Variants in UBN2 observed in about 807,000 individuals in gnomAD.
UBN2 encodes ubinuclein 2.
Under a neutral mutation model 120.2 loss-of-function variants are expected in UBN2, and 35 were observed. The observed-to-expected ratio is 0.29, with a 90% CI of 0.22 to 0.39. The LOEUF is 0.39. UBN2 is among the 10% of genes least tolerant of loss of function. The pLI, the probability that UBN2 is intolerant of heterozygous loss-of-function variation, is 1.00. For missense variants in UBN2, 1,693 were observed against 1,663.2 expected (o/e 1.02, Z -0.31); for synonymous variants, 661 against 648.7 (o/e 1.02, Z -0.29).
intron 6 of UBN2, among the ~76,000 whole-genome samples, chr7:139,264,458 T>G (rs1022565598): frequency 3.3e-5 from 5 of 152,242 alleles, no homozygotes; most frequent in Non-Finnish European, 7.3e-5. Flanking sequence ...AGAGTCTGTC[T>G]TCTTGGATTC....
chr7:139,328,259 A>G, the UBN2 span, among the ~76,000 whole-genome samples: 86 of 152,342 alleles, frequency 5.6e-4, no homozygotes, highest in African/African-American at 2.0e-3. Context: ...GAAGCAAGGC[A>G]TATCTTACAT....
chr7:139,287,750 G>T lies in UBN2; in HGVS notation c.3669+3176G>T, dbSNP rs62485948. Among the ~76,000 whole-genome samples, 652 of 150,316 alleles carry T rather than the reference G, an allele frequency of 4.3e-3. 5 individuals are homozygous for T. Among genetic ancestry groups the T allele is most frequent in the Middle Eastern group, 6.8e-3 (2 of 292 alleles). Reference sequence around the variant, plus strand: ...AATAAGGTCATTTCTACCCTTTGGCGAAAGTAAGGTTCTTTTTGTTTTAAC... The same window carrying T: ...AATAAGGTCATTTCTACCCTTTGGCTAAAGTAAGGTTCTTTTTGTTTTAAC... On this transcript the variant is annotated intron_variant, in intron 15 of 17. Transcript: ENST00000473989.
Position 139,301,193 on chromosome 7 carries a change from A to G in UBN2, c.*3357A>G, listed in dbSNP as rs1227928372. The G allele has an allele frequency of 2.0e-5, 3 of 152,126 alleles. No homozygotes were observed. The highest frequency in any genetic ancestry group is 7.2e-5 in the African/African-American group (3 of 41,418). 9.4% of individuals were successfully genotyped at this position (152,126 alleles called of 1,614,324 possible). A position where few individuals can be genotyped will look rare whatever the true frequency, so the allele number is the denominator to read the frequency against. ...AGGTAAGGGGAAGAACCGGGCACAT[A>G]TGTGTTGGAATACTGTGGGTTTGAC... On this transcript the variant is annotated 3_prime_UTR_variant, in exon 18 of 18. Coordinates refer to ENST00000473989, the MANE Select transcript of UBN2 (RefSeq NM_173569.4).
chr7:139,265,301 A>T (rs1782403756), intron 6 of UBN2, among the ~76,000 whole-genome samples: 1 of 151,936 alleles, frequency 6.6e-6, no homozygotes, highest in Non-Finnish European at 1.5e-5. Context: ...ACACGATGAA[A>T]TCCCGTCTCT....
chr7:139,249,061 T>G (rs958091734), intron 2 of UBN2, among the ~76,000 whole-genome samples: 10 of 151,958 alleles, frequency 6.6e-5, no homozygotes, highest in African/African-American at 2.4e-4. Context: ...TTGTTTAAGG[T>G]TGCCAACTGG....
chr7:139,272,467 C>T (rs1055069528), intron 9 of UBN2, 27 bp downstream of exon 9: 1 of 1,562,616 alleles, frequency 6.4e-7, no homozygotes, highest in African/African-American at 1.4e-5. Context: ...TTTGGACTGG[C>T]TTTTGCATTT....
intron 2 of UBN2, among the ~76,000 whole-genome samples, chr7:139,238,043 A>T (rs1796213171): frequency 6.6e-6 from 1 of 152,206 alleles, no homozygotes; most frequent in African/African-American, 2.4e-5. Context: ...CAAATTTTCT[A>T]GTATTACTAA....
chr7:139,265,078 A>G (rs1288912177), intron 6 of UBN2, among the ~76,000 whole-genome samples: 2 of 152,208 alleles, frequency 1.3e-5, no homozygotes, highest in Non-Finnish European at 2.9e-5. Flanking sequence ...TTTTAACTGT[A>G]GCTACCCTAC....
At chr7:139,262,415 A>G (rs193169908) in intron 6 of UBN2, among the ~76,000 whole-genome samples, 3 of 152,228 alleles carry the variant, frequency 2.0e-5, no homozygotes, top group Non-Finnish European at 1.5e-5. Flanking sequence ...CTTTTCTCTT[A>G]AATAGAAATA....
intron 15 of UBN2, among the ~76,000 whole-genome samples, chr7:139,291,066 CAAATTT>C (rs1343488422): frequency 2.0e-5 from 3 of 152,060 alleles, no homozygotes; most frequent in Admixed American, 6.6e-5. Context: ...TTTTCCTGAT[CAAATTT>C]AGATTTAGAT....
intron 6 of UBN2, among the ~76,000 whole-genome samples, chr7:139,265,683 G>A (rs1161545926): frequency 6.6e-6 from 1 of 152,136 alleles, no homozygotes; most frequent in African/African-American, 2.4e-5. Context: ...GAGGGAGGCA[G>A]AAGGAGGTGT....
At chr7:139,269,748 T>C (rs1797207254) in intron 8 of UBN2, among the ~76,000 whole-genome samples, 1 of 152,232 alleles carries the variant, frequency 6.6e-6, no homozygotes, top group Non-Finnish European at 1.5e-5. Context: ...GATTGTTGGA[T>C]GTAAGTTAAT....
At chr7:139,267,496 A>G (rs577697811) in intron 7 of UBN2, among the ~76,000 whole-genome samples, 2 of 151,468 alleles carry the variant, frequency 1.3e-5, no homozygotes, top group African/African-American at 2.4e-5. Context: ...TGTTCATGCC[A>G]CTGTACCCCA....
At position 139,299,379 on chromosome 7, in the gene UBN2, CAATT is replaced by C. The variant is rs1239945180; in HGVS notation, c.*1546_*1549del. ...ATTACCCTATACCATTAGATTTACT[CAATT>C]AAGAGTATTAACCAGGCCCTTTTTT... is the stretch of plus-strand genomic sequence containing the variant. On this transcript the variant is annotated 3_prime_UTR_variant, in exon 18 of 18. Transcript: ENST00000473989. 7 of 152,030 alleles carry C rather than the reference CAATT, an allele frequency of 4.6e-5. No homozygotes were observed. Among genetic ancestry groups the C allele is most frequent in the Non-Finnish European group, 8.8e-5 (6 of 67,990 alleles). The allele number at this position is 152,030 out of a possible 1,614,324, so 9.4% of individuals were successfully genotyped here.
chr7:139,290,306 C>T (rs1326760578), intron 15 of UBN2, among the ~76,000 whole-genome samples: 4 of 152,116 alleles, frequency 2.6e-5, no homozygotes, highest in African/African-American at 9.7e-5. Flanking sequence ...TTATTTCTAA[C>T]TTGGTAATTT....
the UBN2 span, among the ~76,000 whole-genome samples, chr7:139,321,173 A>G: frequency 6.6e-6 from 1 of 152,222 alleles, no homozygotes; most frequent in Non-Finnish European, 1.5e-5. Flanking sequence ...GAGCTAGATC[A>G]CCTTCACAGC....
the UBN2 span, among the ~76,000 whole-genome samples, chr7:139,318,128 G>C: frequency 6.6e-6 from 1 of 152,002 alleles, no homozygotes; most frequent in East Asian, 1.9e-4. Flanking sequence ...TTCCATTCCG[G>C]TTTGTGTAGG....
chr7:139,258,166 A>G (rs1275876292), intron 3 of UBN2, among the ~76,000 whole-genome samples: 2 of 152,246 alleles, frequency 1.3e-5, no homozygotes, highest in African/African-American at 4.8e-5. Context: ...ATTTCTCATC[A>G]GAACCATTTG....
chr7:139,252,203 CTTT>C (rs35028623), intron 3 of UBN2, 146 bp downstream of exon 3: 109 of 443,420 alleles, frequency 2.5e-4, no homozygotes, highest in Non-Finnish European at 3.2e-4. Context: ...TTTCTTTACC[CTTT>C]TTTTTTTTTT....
Sources: allele counts gnomAD v4.1 joint callset (sites outside exome capture counted in the v4.1 genomes callset), GRCh38; gene constraint gnomAD v4.1.1; transcripts MANE v1.5; gene names NCBI Gene and HGNC (gene_info 2026-07-23, HGNC 2026-07-21).